Variants in TANC2 observed in about 807,000 individuals in gnomAD.
TANC2 encodes the protein tetratricopeptide repeat, ankyrin repeat and coiled-coil containing 2.
Under a neutral mutation model 210.5 loss-of-function variants are expected in TANC2, and 26 were observed. The ratio of observed to expected loss-of-function variants is 0.12; its 90% CI spans 0.09 to 0.17. The LOEUF (loss-of-function observed/expected upper bound fraction) is 0.17, where lower values mean the gene tolerates loss of function less well. Among genes scored for constraint, TANC2 ranks in the 10% least tolerant of loss-of-function variants. The pLI is 1.00. For synonymous variants in TANC2, 931 were observed against 967.1 expected (o/e 0.96, Z 0.69); for missense variants, 2,129 against 2,608.9 (o/e 0.82, Z 4.01).
chr17:62,978,230 A>G (rs1271657756), intron 1 of TANC2, among the ~76,000 whole-genome samples: 2 of 152,238 alleles, frequency 1.3e-5, no homozygotes, highest in Non-Finnish European at 2.9e-5. Flanking sequence ...ATACACTATG[A>G]TCAAGTAGAG....
chr17:63,164,527 G>T (rs775249568), intron 5 of TANC2, among the ~76,000 whole-genome samples: 1 of 152,114 alleles, frequency 6.6e-6, no homozygotes, highest in Non-Finnish European at 1.5e-5. Flanking sequence ...GAACCAATAG[G>T]TTATAGATAA....
chr17:62,993,541 G>C (rs2032969959), intron 1 of TANC2, among the ~76,000 whole-genome samples: 1 of 151,970 alleles, frequency 6.6e-6, no homozygotes. Context: ...TTATACTTTT[G>C]TTAATAACAA....
At chr17:63,159,401 T>C (rs2039947772) in intron 5 of TANC2, among the ~76,000 whole-genome samples, 2 of 152,304 alleles carry the variant, frequency 1.3e-5, no homozygotes, top group South Asian at 4.1e-4. Flanking sequence ...AAGTTATCCG[T>C]ATTATATAAA....
intron 2 of TANC2, among the ~76,000 whole-genome samples, chr17:63,069,969 CTTTTG>C (rs2036336641): frequency 6.6e-6 from 1 of 152,138 alleles, no homozygotes; most frequent in Non-Finnish European, 1.5e-5. Context: ...CCAATAGAAA[CTTTTG>C]CTGGGCTGCT....
At chr17:63,002,115 C>T (rs957000779) in intron 1 of TANC2, among the ~76,000 whole-genome samples, 4 of 152,220 alleles carry the variant, frequency 2.6e-5, no homozygotes, top group East Asian at 1.9e-4. Flanking sequence ...TTATGGGTGA[C>T]GGTTTTGGAG....
rs538140084 is a variant in TANC2 at position 63,264,909 on chromosome 17, T to C, written c.1034-2839T>C. On this transcript the variant is annotated intron_variant, in intron 8 of 27. Coordinates refer to ENST00000689528, the Ensembl canonical transcript of TANC2. ...GGGAGGTCAAGGCTGCAGTGAGCCA[T>C]GACTGCACCACTGCACTCTAATCTG... Among the ~76,000 whole-genome samples, 283 of 152,182 alleles carry C rather than the reference T, an allele frequency of 1.9e-3. 1 individual carries two copies. Among genetic ancestry groups the C allele is most frequent in the African/African-American group, 6.5e-3 (272 of 41,534 alleles).
At chr17:63,410,860 CAAAAAAAAA>C (rs34268418) in intron 21 of TANC2, among the ~76,000 whole-genome samples, 43 of 39,004 alleles carry the variant, frequency 1.1e-3, no homozygotes, top group South Asian at 4.0e-3. Flanking sequence ...GACTCCATCT[CAAAAAAAAA>C]AAAAAAAAAA....
At chr17:63,349,986 G>T (rs929067125) in intron 12 of TANC2, among the ~76,000 whole-genome samples, 1 of 152,042 alleles carries the variant, frequency 6.6e-6, no homozygotes, top group East Asian at 1.9e-4. Context: ...TAAAAACTTG[G>T]CAGATGAAAG....
At chr17:63,367,913 T>C (rs2047156579) in intron 14 of TANC2, among the ~76,000 whole-genome samples, 1 of 152,202 alleles carries the variant, frequency 6.6e-6, no homozygotes, top group Non-Finnish European at 1.5e-5. Context: ...AACAAAGATC[T>C]GATAACTCTG....
At chr17:63,060,904 T>A (rs550024472) in intron 2 of TANC2, among the ~76,000 whole-genome samples, 4 of 152,186 alleles carry the variant, frequency 2.6e-5, no homozygotes, top group Admixed American at 2.0e-4. Context: ...TTCTGTTTCT[T>A]TTTCTTTATA....
intron 6 of TANC2, 63 bp from the exon 7 acceptor site, chr17:63,200,696 GCATTTATTTTAT>G: frequency 7.7e-7 from 1 of 1,297,700 alleles, no homozygotes; most frequent in South Asian, 1.6e-5. Flanking sequence ...TTTCATCAAA[GCATTTATTTTAT>G]CTTAAAATAT....
Position 63,099,169 on chromosome 17 carries a change from T to C in TANC2, c.140-6T>C. 1 of 1,610,054 alleles carries C rather than the reference T, an allele frequency of 6.2e-7. No individual in the cohort carries two copies. The highest frequency in any genetic ancestry group is 8.5e-7 in the Non-Finnish European group (1 of 1,178,066). ...CCAGCTCTTTTGTTCCATCCCCTTC[T>C]AACAGGTGGCATCTCCACAGAAAGC... is the stretch of plus-strand genomic sequence containing the variant. On this transcript the variant is annotated splice_region_variant and splice_polypyrimidine_tract_variant and intron_variant, in intron 3 of 27. Transcript: ENST00000689528.
intron 3 of TANC2, among the ~76,000 whole-genome samples, chr17:63,096,153 T>C (rs1245988676): frequency 6.6e-6 from 1 of 152,086 alleles, no homozygotes; most frequent in Non-Finnish European, 1.5e-5. Context: ...GTCAGATATA[T>C]TCATGAAAGA....
intron 4 of TANC2, chr17:63,120,955 G>A (rs553658279): frequency 6.0e-5 from 9 of 150,678 alleles, no homozygotes; most frequent in Non-Finnish European, 1.3e-4. Flanking sequence ...AATTTCAAAT[G>A]TAAACTCTTA....
In TANC2 at chr17:63,110,011, G is replaced by T. The variant is rs115160128; in HGVS notation, c.322+10654G>T. ...TGTCTGATACCAAGATGGTAGTACA[G>T]CTGTGTTATTTTCATCATCTTCTGC... On this transcript the variant is annotated intron_variant, in intron 4 of 27. Transcript: ENST00000689528. Among the ~76,000 whole-genome samples, 401 of 151,830 alleles carry T rather than the reference G, an allele frequency of 2.6e-3. 21 individuals are homozygous for T. The highest frequency in any genetic ancestry group is 9.6e-3 in the African/African-American group (394 of 41,116).
At chr17:63,106,879 G>A (rs1189460677) in intron 4 of TANC2, among the ~76,000 whole-genome samples, 1 of 151,432 alleles carries the variant, frequency 6.6e-6, no homozygotes, top group Non-Finnish European at 1.5e-5. Flanking sequence ...TTATAGTATT[G>A]TAGTGTTTAT....
chr17:63,388,594 T>A, intron 15 of TANC2, 41 bp from the exon 16 acceptor site: 1 of 1,570,502 alleles, frequency 6.4e-7, no homozygotes, highest in Non-Finnish European at 8.6e-7. Flanking sequence ...CTACTTTTTT[T>A]TGCTGGGCTA....
Position 63,095,000 on chromosome 17 carries a change from C to T in TANC2, c.140-4175C>T, listed in dbSNP as rs79264797. 1.2e-4 allele frequency among the ~76,000 whole-genome samples: 18 copies of T among 152,002 alleles called. No individual in the cohort carries two copies. The East Asian group carries it at 2.5e-3, about 21-fold the overall frequency. On this transcript the variant is annotated intron_variant, in intron 3 of 27. Coordinates refer to ENST00000689528, the Ensembl canonical transcript of TANC2. ...GGTAAATTGGATTCCTCCCCCGCCCCGCCTTTTTTTTTTAACTTCATGTTA... is the reference window on the plus strand; with the variant it reads ...GGTAAATTGGATTCCTCCCCCGCCCTGCCTTTTTTTTTTAACTTCATGTTA...
At position 63,014,870 on chromosome 17, in the gene TANC2, T is replaced by C. The variant is rs73991870; in HGVS notation, c.67+5244T>C. 2.9e-3 allele frequency among the ~76,000 whole-genome samples: 442 copies of C among 152,298 alleles called. 3 individuals are homozygous for C. Among genetic ancestry groups the C allele is most frequent in the African/African-American group, 0.01 (417 of 41,564 alleles). The stretch of plus-strand genomic sequence containing the variant: ...ACAAATTGTTTACAATTTAGAATTA[T>C]TATAAAAATAGTGCTTTGTATTGTG... On this transcript the variant is annotated intron_variant, in intron 2 of 27. Transcript: ENST00000689528.
Sources: gnomAD v4.1 joint callset for allele counts (sites outside exome capture counted in the v4.1 genomes callset) on GRCh38, gnomAD v4.1.1 for gene constraint, MANE v1.5 for transcripts, NCBI Gene and HGNC (gene_info 2026-07-23, HGNC 2026-07-21) for gene names.